XKR6: variants seen among roughly 807,000 people sequenced by gnomAD.
The protein encoded by XKR6 is XK-related protein 6.
Under a neutral mutation model 56.7 loss-of-function variants are expected in XKR6, and 22 were observed. The observed-to-expected ratio is 0.39, with a 90% CI of 0.28 to 0.55. The LOEUF is 0.55. Ranked by LOEUF, XKR6 falls within the 20% of genes least tolerant of loss-of-function variation. The probability of loss-of-function intolerance (pLI) is 0.66; values close to 1 mark genes in which losing one functional copy is unlikely to be tolerated. For synonymous variants in XKR6, 524 were observed against 387.8 expected, an observed-to-expected ratio of 1.35 and a Z score of -4.13; for missense variants, 852 against 889.0, an observed-to-expected ratio of 0.96 and a Z score of 0.53.
At chr8:11,000,778 G>C (rs1798220248) in intron 1 of XKR6, among the ~76,000 whole-genome samples, 1 of 152,208 alleles carries the variant, frequency 6.6e-6, no homozygotes, top group African/African-American at 2.4e-5. Context: ...ATCTTCTCAT[G>C]GTGGAGAAGG....
At chr8:11,116,545 A>G (rs1378093832) in intron 1 of XKR6, among the ~76,000 whole-genome samples, 1 of 151,968 alleles carries the variant, frequency 6.6e-6, no homozygotes, top group South Asian at 2.1e-4. Flanking sequence ...TAATTTTTGC[A>G]TTTTTAGTAG....
At chr8:11,073,372 A>C (rs1800183634) in intron 1 of XKR6, among the ~76,000 whole-genome samples, 1 of 152,158 alleles carries the variant, frequency 6.6e-6, no homozygotes, top group Non-Finnish European at 1.5e-5. Flanking sequence ...TCAGAGATGC[A>C]TCCTGCCTCC....
chr8:10,991,158 C>T (rs1419979390), intron 1 of XKR6, among the ~76,000 whole-genome samples: 1 of 152,150 alleles, frequency 6.6e-6, no homozygotes, highest in Non-Finnish European at 1.5e-5. Flanking sequence ...CCTGTCTCAG[C>T]CTCCCAAAGT....
At chr8:10,989,212 A>G (rs1797932921) in intron 1 of XKR6, among the ~76,000 whole-genome samples, 1 of 152,260 alleles carries the variant, frequency 6.6e-6, no homozygotes, top group Admixed American at 6.5e-5. Flanking sequence ...GTGGTTGAAT[A>G]AAAGACCTAT....
At position 11,057,581 on chromosome 8, in the gene XKR6, A is replaced by G. The variant is rs115665562; in HGVS notation, c.765-132751T>C. ...ATGTGAGGCATTCCCATGAGTTCCC[A>G]CGGTCACAGAGGCTGGGCGGGTGTA... On this transcript the variant is annotated intron_variant, in intron 1 of 2. Coordinates refer to ENST00000416569, the MANE Select transcript of XKR6 (RefSeq NM_173683.4). Among the ~76,000 whole-genome samples the G allele has an allele frequency of 2.7e-3, 412 of 152,246 alleles. 5 individuals are homozygous for G. Among genetic ancestry groups the G allele is most frequent in the African/African-American group, 8.8e-3 (367 of 41,538 alleles).
intron 2 of XKR6, among the ~76,000 whole-genome samples, chr8:10,921,544 T>A (rs1203882323): frequency 6.6e-6 from 1 of 152,170 alleles, no homozygotes; most frequent in Non-Finnish European, 1.5e-5. Context: ...TATCATTGCA[T>A]CCCCACTGAA....
chr8:10,908,482 T>C (rs534898085), intron 2 of XKR6, among the ~76,000 whole-genome samples: 1 of 152,020 alleles, frequency 6.6e-6, no homozygotes, highest in Admixed American at 6.5e-5. Context: ...ATCTGTCAAG[T>C]CCCCTTTGCC....
chr8:10,983,027 A>G (rs1797770036), intron 1 of XKR6, among the ~76,000 whole-genome samples: 1 of 152,254 alleles, frequency 6.6e-6, no homozygotes, highest in Admixed American at 6.5e-5. Context: ...CAGGGTTGTA[A>G]GCATCAGATG....
chr8:11,180,044 T>C (rs11775740), intron 1 of XKR6, among the ~76,000 whole-genome samples: 1 of 151,518 alleles, frequency 6.6e-6, no homozygotes, highest in Non-Finnish European at 1.5e-5. Flanking sequence ...GAGGCTGAGG[T>C]GGGAGAACTG....
chr8:11,053,533 C>G (rs1287956839), intron 1 of XKR6, among the ~76,000 whole-genome samples: 1 of 152,214 alleles, frequency 6.6e-6, no homozygotes, highest in African/African-American at 2.4e-5. Context: ...CCCTGCAGGT[C>G]TTGGTCACCG....
intron 1 of XKR6, chr8:11,124,509 G>C (rs757124212): frequency 6.2e-6 from 1 of 161,460 alleles, no homozygotes; most frequent in Non-Finnish European, 1.4e-5. Flanking sequence ...AAAAATCTTT[G>C]TCAAAGCTCA....
intron 1 of XKR6, among the ~76,000 whole-genome samples, chr8:10,981,817 C>T (rs1313075428): frequency 6.6e-6 from 1 of 152,138 alleles, no homozygotes; most frequent in Admixed American, 6.5e-5. Flanking sequence ...GTGGAGGTGC[C>T]ACCATTTTGT....
intron 1 of XKR6, among the ~76,000 whole-genome samples, chr8:11,050,047 A>G (rs1799506301): frequency 6.6e-6 from 1 of 152,152 alleles, no homozygotes; most frequent in South Asian, 2.1e-4. Context: ...CCTGGCCTTG[A>G]GCAACACGCT....
chr8:11,105,396 C>T (rs1798639725), intron 1 of XKR6: 2 of 152,238 alleles, frequency 1.3e-5, no homozygotes, highest in Non-Finnish European at 1.5e-5. Context: ...CAGGCTGGCA[C>T]CTGCCCTCCG....
chr8:10,984,732 C>CTCTCTCTCTCTCTCTCTCTATA, intron 1 of XKR6, among the ~76,000 whole-genome samples: 4 of 47,492 alleles, frequency 8.4e-5, no homozygotes, highest in Admixed American at 2.0e-4. Context: ...CTCTCTCTCT[C>CTCTCTCTCTCTCTCTCTCTATA]TATATATATA....
rs952624051 is a variant in XKR6, at chr8:11,201,388, G to GA, written c.-50_-49insT. 2.7e-6 allele frequency: 3 copies of GA among 1,118,528 alleles called. No individual in the cohort carries two copies. The African/African-American group carries it at 5.1e-5, about 19-fold the overall frequency. 69.3% of individuals were successfully genotyped at this position (1,118,528 alleles called of 1,614,324 possible). On this transcript the variant is annotated 5_prime_UTR_variant, in exon 1 of 3. Coordinates refer to ENST00000416569, the MANE Select transcript of XKR6 (RefSeq NM_173683.4). ...AGGTTGGGGGGGAGGGACGGCGGGG[G>GA]GGGGGGGAAGAAGGCAGGGAACGGG...
chr8:11,177,541 GTAGA>G (rs1185159269), intron 1 of XKR6, among the ~76,000 whole-genome samples: 1 of 152,228 alleles, frequency 6.6e-6, no homozygotes, highest in African/African-American at 2.4e-5. Flanking sequence ...TAGGGTCACT[GTAGA>G]TGTAGTAACT....
At chr8:11,094,031 G>A (rs1290369760) in intron 1 of XKR6, among the ~76,000 whole-genome samples, 10 of 148,148 alleles carry the variant, frequency 6.8e-5, no homozygotes, top group Non-Finnish European at 1.3e-4. Flanking sequence ...TGATCCACCC[G>A]CCTCGGCCTC....
intron 1 of XKR6, among the ~76,000 whole-genome samples, chr8:11,042,966 G>C (rs527856010): frequency 6.6e-6 from 1 of 152,136 alleles, no homozygotes; most frequent in East Asian, 2.0e-4. Context: ...CTTGAGATTG[G>C]CCAGCCCCAC....
Sources: allele counts gnomAD v4.1 joint callset (sites outside exome capture counted in the v4.1 genomes callset), GRCh38; gene constraint gnomAD v4.1.1; transcripts MANE v1.5; gene names NCBI Gene and HGNC (gene_info 2026-07-23, HGNC 2026-07-21).